The following DLG2 variants were observed in gnomAD, a reference collection of about 807,000 sequenced individuals.
DLG2 encodes discs large MAGUK scaffold protein 2.
DLG2 carries 45 observed loss-of-function variants against 132.5 expected under a neutral mutation model. The ratio of observed to expected loss-of-function variants is 0.34; its 90% CI spans 0.27 to 0.44. The LOEUF (loss-of-function observed/expected upper bound fraction) is 0.44. Among genes scored for constraint, DLG2 ranks in the 20% least tolerant of loss-of-function variants. The pLI is 1.00. For missense variants in DLG2, 1,045 were observed against 1,196.9 expected, an observed-to-expected ratio of 0.87 and a Z score of 1.87; for synonymous variants, 424 against 419.6, an observed-to-expected ratio of 1.01 and a Z score of -0.13.
At chr11:84,884,206 T>C (rs928647846) in intron 6 of DLG2, among the ~76,000 whole-genome samples, 1 of 152,104 alleles carries the variant, frequency 6.6e-6, no homozygotes, top group Non-Finnish European at 1.5e-5. Context: ...ATAAAAGCTT[T>C]TAATTTTAAG....
chr11:84,217,010 A>T (rs1433843134), intron 8 of DLG2, among the ~76,000 whole-genome samples: 2 of 152,204 alleles, frequency 1.3e-5, no homozygotes, highest in African/African-American at 4.8e-5. Flanking sequence ...AAGTTTGATT[A>T]TTTAAAAACC....
At chr11:85,274,096 G>A (rs535714291) in intron 4 of DLG2, among the ~76,000 whole-genome samples, 72 of 134,952 alleles carry the variant, frequency 5.3e-4, no homozygotes, top group African/African-American at 1.5e-3. Flanking sequence ...CACACACTGC[G>A]GCTGTCGTGG....
chr11:85,377,337 C>T (rs1221250809), intron 3 of DLG2, among the ~76,000 whole-genome samples: 1 of 152,086 alleles, frequency 6.6e-6, no homozygotes, highest in African/African-American at 2.4e-5. Context: ...AGTCAACCTA[C>T]CTGTGTGAAC....
At chr11:84,260,282 A>G (rs1306318559) in intron 7 of DLG2, among the ~76,000 whole-genome samples, 1 of 151,992 alleles carries the variant, frequency 6.6e-6, no homozygotes, top group African/African-American at 2.4e-5. Flanking sequence ...GCCAAACAGA[A>G]TTTTCTTCAC....
intron 6 of DLG2, among the ~76,000 whole-genome samples, chr11:84,764,686 A>C (rs376696093): frequency 4.9e-4 from 75 of 152,244 alleles, no homozygotes; most frequent in African/African-American, 1.6e-3. Flanking sequence ...ATATATATGC[A>C]TATATGGCAT....
At chr11:84,918,693 G>A (rs1306522990) in intron 6 of DLG2, among the ~76,000 whole-genome samples, 2 of 152,136 alleles carry the variant, frequency 1.3e-5, no homozygotes, top group Admixed American at 6.5e-5. Context: ...ATCCAAAAGA[G>A]TATGTGACTT....
intron 6 of DLG2, among the ~76,000 whole-genome samples, chr11:84,648,987 T>C (rs566912877): frequency 2.0e-5 from 3 of 151,978 alleles, no homozygotes; most frequent in Admixed American, 1.3e-4. Flanking sequence ...TGATTTATTA[T>C]TTTTTTTCTA....
chr11:84,488,638 C>T (rs142045856), intron 7 of DLG2, among the ~76,000 whole-genome samples: 20 of 152,210 alleles, frequency 1.3e-4, no homozygotes, highest in African/African-American at 4.1e-4. Flanking sequence ...CCCATCACCA[C>T]CTCACTGCTT....
chr11:83,599,846 TA>T (rs2058238203), intron 19 of DLG2, among the ~76,000 whole-genome samples: 1 of 152,244 alleles, frequency 6.6e-6, no homozygotes, highest in South Asian at 2.1e-4. Context: ...TTGGAAGAAC[TA>T]AACTAATGTT....
intron 5 of DLG2, among the ~76,000 whole-genome samples, chr11:85,140,277 A>G (rs1275968842): frequency 6.6e-6 from 1 of 151,930 alleles, no homozygotes; most frequent in East Asian, 1.9e-4. Flanking sequence ...CATTCCCACC[A>G]ACAGTGTACA....
chr11:83,542,135 T>C (rs1221139732), intron 19 of DLG2, among the ~76,000 whole-genome samples: 1 of 152,144 alleles, frequency 6.6e-6, no homozygotes, highest in Non-Finnish European at 1.5e-5. Flanking sequence ...TAGAAGGTGA[T>C]AATAGAAGAT....
At chr11:84,525,481 A>G (rs2099317502) in intron 7 of DLG2, among the ~76,000 whole-genome samples, 1 of 151,986 alleles carries the variant, frequency 6.6e-6, no homozygotes, top group Non-Finnish European at 1.5e-5. Context: ...TCCTGATGAT[A>G]TCTCTTTTTA....
At chr11:84,086,787 G>A (rs1024496546) in intron 10 of DLG2, among the ~76,000 whole-genome samples, 1 of 152,080 alleles carries the variant, frequency 6.6e-6, no homozygotes, top group Non-Finnish European at 1.5e-5. Context: ...ATGGTGCCCA[G>A]CCTAGAACAT....
At chr11:84,228,009 T>C (rs1320763065) in intron 8 of DLG2, among the ~76,000 whole-genome samples, 11 of 152,148 alleles carry the variant, frequency 7.2e-5, no homozygotes, top group African/African-American at 2.2e-4. Flanking sequence ...TGGTGGAATG[T>C]TGTATTATCT....
intron 3 of DLG2, among the ~76,000 whole-genome samples, chr11:85,318,360 T>C (rs1268656748): frequency 1.3e-5 from 2 of 151,744 alleles, no homozygotes; most frequent in Admixed American, 6.6e-5. Context: ...TCAATGTTTA[T>C]CAAGTTCTAA....
intron 18 of DLG2, among the ~76,000 whole-genome samples, chr11:83,696,760 T>C (rs938410866): frequency 5.9e-5 from 9 of 152,156 alleles, no homozygotes; most frequent in African/African-American, 1.9e-4. Flanking sequence ...GGGTCTGTCA[T>C]AGTAAGGAAA....
intron 5 of DLG2, among the ~76,000 whole-genome samples, chr11:85,135,170 C>A (rs2152419997): frequency 6.6e-6 from 1 of 152,294 alleles, no homozygotes; most frequent in South Asian, 2.1e-4. Flanking sequence ...AGACTTACTG[C>A]CATATTCATG....
chr11:84,945,808 A>G (rs1238569105), intron 6 of DLG2, among the ~76,000 whole-genome samples: 3 of 152,016 alleles, frequency 2.0e-5, no homozygotes, highest in Non-Finnish European at 4.4e-5. Context: ...GGGATCCAGG[A>G]TCTAGGTCAT....
chr11:84,746,706 T>C (rs1007962881), intron 6 of DLG2, among the ~76,000 whole-genome samples: 1 of 152,192 alleles, frequency 6.6e-6, no homozygotes, highest in Non-Finnish European at 1.5e-5. Context: ...GGTTGCAAGA[T>C]ACAGAAAAGA....
Sources: allele counts gnomAD v4.1 joint callset (sites outside exome capture counted in the v4.1 genomes callset), GRCh38; gene constraint gnomAD v4.1.1; transcripts MANE v1.5; gene names NCBI Gene and HGNC (gene_info 2026-07-23, HGNC 2026-07-21).